ERBB4: variants seen among roughly 807,000 people sequenced by gnomAD.
ERBB4 encodes erb-b2 receptor tyrosine kinase 4.
Under a neutral mutation model 158.0 loss-of-function variants are expected in ERBB4, and 42 were observed. The ratio of observed to expected loss-of-function variants is 0.27; its 90% CI spans 0.21 to 0.34. The LOEUF is 0.34. ERBB4 is among the 10% of genes least tolerant of loss of function. The pLI, the probability that ERBB4 is intolerant of heterozygous loss-of-function variation, is 1.00. For synonymous variants in ERBB4, 583 were observed against 558.7 expected (o/e 1.04, Z -0.61); for missense variants, 1,333 against 1,624.1 (o/e 0.82, Z 3.08).
intron 3 of ERBB4, among the ~76,000 whole-genome samples, chr2:211,847,841 T>C (rs1421966299): frequency 6.6e-6 from 1 of 152,132 alleles, no homozygotes; most frequent in Non-Finnish European, 1.5e-5. Context: ...ATTTTCATAA[T>C]AGCGTGATGC....
chr2:211,598,335 T>A lies in ERBB4; in HGVS notation c.2301+20842A>T, dbSNP rs898126661. Among the ~76,000 whole-genome samples the A allele has an allele frequency of 2.6e-5, 4 of 151,904 alleles. No individual in the cohort carries two copies. The East Asian group carries it at 7.7e-4, about 29-fold the overall frequency. ...AAAATGAACCCTGAAAACAGGAAGA[T>A]CAGGCACAGATCAAAATGGAAATGT... On this transcript the variant is annotated intron_variant, in intron 19 of 27. Transcript: ENST00000342788.
At chr2:211,897,847 G>A (rs1408798124) in intron 3 of ERBB4, among the ~76,000 whole-genome samples, 1 of 151,974 alleles carries the variant, frequency 6.6e-6, no homozygotes, top group East Asian at 1.9e-4. Flanking sequence ...GGCCTCAAGG[G>A]ATCTTCCCTT....
intron 4 of ERBB4, among the ~76,000 whole-genome samples, chr2:211,773,587 C>A (rs2075769969): frequency 1.2e-5 from 1 of 81,420 alleles, no homozygotes; most frequent in Non-Finnish European, 2.3e-5. Flanking sequence ...AAGGATTATA[C>A]TTCTGTAACT....
At chr2:211,975,758 C>T (rs1292140839) in intron 2 of ERBB4, among the ~76,000 whole-genome samples, 2 of 152,010 alleles carry the variant, frequency 1.3e-5, no homozygotes, top group East Asian at 3.9e-4. Flanking sequence ...TAACAGAATT[C>T]ACAGGAAAAA....
chr2:211,383,587 C>G lies in ERBB4; in HGVS notation c.*28G>C. On this transcript the variant is annotated 3_prime_UTR_variant, in exon 28 of 28. Transcript: ENST00000342788. Reference sequence around the variant, plus strand: ...GGTGGGGAAATTGGAGCAGGTGTGTCTCTCCACCTAAAAAACCACAACTGA... The same window carrying G: ...GGTGGGGAAATTGGAGCAGGTGTGTGTCTCCACCTAAAAAACCACAACTGA... 6.3e-7 allele frequency: 1 copy of G among 1,586,828 alleles called. No individual in the cohort carries two copies. The highest frequency in any genetic ancestry group is 8.6e-7 in the Non-Finnish European group (1 of 1,157,106).
chr2:211,876,706 A>G (rs2106133819), intron 3 of ERBB4, among the ~76,000 whole-genome samples: 1 of 152,328 alleles, frequency 6.6e-6, no homozygotes, highest in Non-Finnish European at 1.5e-5. Context: ...GGTAAGAGGC[A>G]TGAGGGAATC....
chr2:212,502,254 T>A (rs556219368), intron 1 of ERBB4, among the ~76,000 whole-genome samples: 1 of 152,302 alleles, frequency 6.6e-6, no homozygotes, highest in South Asian at 2.1e-4. Context: ...AATGTCAAAT[T>A]AAATTATATT....
intron 1 of ERBB4, among the ~76,000 whole-genome samples, chr2:212,533,250 T>C (rs1307248726): frequency 1.3e-5 from 2 of 152,254 alleles, no homozygotes; most frequent in African/African-American, 4.8e-5. Context: ...TAGGTATACA[T>C]GTTTTAGATT....
intron 2 of ERBB4, among the ~76,000 whole-genome samples, chr2:212,093,837 A>C (rs1478936130): frequency 6.6e-6 from 1 of 152,190 alleles, no homozygotes; most frequent in Non-Finnish European, 1.5e-5. Flanking sequence ...ATGATTAGGG[A>C]AAACATAGAT....
chr2:212,269,358 C>A (rs1023923449), intron 1 of ERBB4, among the ~76,000 whole-genome samples: 8 of 151,762 alleles, frequency 5.3e-5, no homozygotes, highest in African/African-American at 1.9e-4. Flanking sequence ...ATGCCCAATT[C>A]ATACCTTAAC....
intron 3 of ERBB4, 40 bp downstream of exon 3, chr2:211,947,390 A>C: frequency 6.6e-7 from 1 of 1,511,902 alleles, no homozygotes; most frequent in South Asian, 1.1e-5. Flanking sequence ...CCTTATATTG[A>C]TAATGAAAGC....
At chr2:212,178,047 T>C (rs1029067360) in intron 1 of ERBB4, among the ~76,000 whole-genome samples, 2 of 151,586 alleles carry the variant, frequency 1.3e-5, no homozygotes, top group Non-Finnish European at 3.0e-5. Context: ...AAATGGTCTG[T>C]GGCTAAAGAG....
At chr2:211,723,523 A>G (rs1442207812) in intron 6 of ERBB4, among the ~76,000 whole-genome samples, 2 of 152,126 alleles carry the variant, frequency 1.3e-5, no homozygotes, top group African/African-American at 4.8e-5. Context: ...TGCTTCATCA[A>G]TTGTTGTTTT....
At chr2:212,287,615 C>T (rs550259752) in intron 1 of ERBB4, among the ~76,000 whole-genome samples, 2 of 151,974 alleles carry the variant, frequency 1.3e-5, no homozygotes, top group Admixed American at 6.6e-5. Flanking sequence ...TAGGAGGTAT[C>T]CAGTAAGAGG....
At chr2:212,413,229 G>T (rs752646573) in intron 1 of ERBB4, among the ~76,000 whole-genome samples, 1 of 140,754 alleles carries the variant, frequency 7.1e-6, no homozygotes, top group Non-Finnish European at 1.5e-5. Flanking sequence ...CTCGTGATCC[G>T]CCCGACTCGG....
Position 211,417,487 on chromosome 2 carries a change from T to A in ERBB4, c.3135+2954A>T, listed in dbSNP as rs931597032. Among the ~76,000 whole-genome samples the A allele has an allele frequency of 4.4e-4, 67 of 151,886 alleles. 1 individual carries two copies. The highest frequency in any genetic ancestry group is 2.5e-3 in the Admixed American group (38 of 15,248). On this transcript the variant is annotated intron_variant, in intron 25 of 27. Transcript: ENST00000342788. ...AGATCCTGTCTCAAAAAAGAAAAAA[T>A]TTTAAGGTAATATTAAAAGTATATC...
chr2:212,519,271 A>T (rs1173183072), intron 1 of ERBB4, among the ~76,000 whole-genome samples: 2 of 152,050 alleles, frequency 1.3e-5, no homozygotes, highest in Non-Finnish European at 2.9e-5. Flanking sequence ...AAATCTTAAT[A>T]CCATTAGAAA....
chr2:212,450,392 C>G (rs1444657530), intron 1 of ERBB4, among the ~76,000 whole-genome samples: 1 of 151,946 alleles, frequency 6.6e-6, no homozygotes, highest in Non-Finnish European at 1.5e-5. Flanking sequence ...TTTTCTGGGT[C>G]CTTTTTTGGG....
intron 20 of ERBB4, among the ~76,000 whole-genome samples, chr2:211,505,788 G>A (rs529201362): frequency 3.1e-4 from 47 of 151,932 alleles, no homozygotes; most frequent in African/African-American, 1.1e-3. Context: ...GTGAAACCCC[G>A]TCTCTACTAA....
Sources: gnomAD v4.1 joint callset for allele counts (sites outside exome capture counted in the v4.1 genomes callset) on GRCh38, gnomAD v4.1.1 for gene constraint, MANE v1.5 for transcripts, NCBI Gene and HGNC (gene_info 2026-07-23, HGNC 2026-07-21) for gene names.